LIMCH1: variants seen among roughly 807,000 people sequenced by gnomAD.
LIMCH1 encodes the protein LIM and calponin homology domains 1.
In LIMCH1, 113 loss-of-function variants were observed where a neutral mutation model predicts 176.5. That is an observed-to-expected ratio of 0.64 (90% confidence interval 0.55 to 0.75). The LOEUF (loss-of-function observed/expected upper bound fraction) is 0.75. Ranked by LOEUF, LIMCH1 falls within the 30% of genes least tolerant of loss-of-function variation. The pLI is 0.00. For missense variants in LIMCH1, 1,674 were observed against 1,814.9 expected, an observed-to-expected ratio of 0.92 and a Z score of 1.41; for synonymous variants, 619 against 645.9, an observed-to-expected ratio of 0.96 and a Z score of 0.63.
At position 41,666,381 on chromosome 4, in the gene LIMCH1, A is replaced by G. The variant is rs191399059; in HGVS notation, c.3292-180A>G. The stretch of plus-strand genomic sequence containing the variant: ...TATCTAAAAAATTGACGCTCTGTTA[A>G]TGTAGAGAAGGATGAAAGCGTTTTA... On this transcript the variant is annotated intron_variant, in intron 20 of 31. Transcript: ENST00000503057. Among the ~76,000 whole-genome samples, 50 of 152,364 alleles carry G rather than the reference A, an allele frequency of 3.3e-4. No individual in the cohort carries two copies. The East Asian group carries it at 9.6e-3, about 29-fold the overall frequency.
At chr4:41,479,566 G>T (rs2068258677) in intron 1 of LIMCH1, among the ~76,000 whole-genome samples, 1 of 152,132 alleles carries the variant, frequency 6.6e-6, no homozygotes, top group African/African-American at 2.4e-5. Flanking sequence ...TCTTAATAAG[G>T]TGAACAGTGA....
At chr4:41,617,475 T>C (rs1254837465) in intron 5 of LIMCH1, among the ~76,000 whole-genome samples, 2 of 152,152 alleles carry the variant, frequency 1.3e-5, no homozygotes, top group Non-Finnish European at 2.9e-5. Flanking sequence ...GTAATGTTTG[T>C]TTATAAAGCA....
At chr4:41,373,394 G>A (rs919603569) in intron 1 of LIMCH1, among the ~76,000 whole-genome samples, 5 of 152,224 alleles carry the variant, frequency 3.3e-5, no homozygotes, top group Admixed American at 2.0e-4. Flanking sequence ...AAAGCTGCAT[G>A]GTCCTGGCAC....
At chr4:41,656,660 C>T (rs887106115) in intron 18 of LIMCH1, among the ~76,000 whole-genome samples, 2 of 152,170 alleles carry the variant, frequency 1.3e-5, no homozygotes, top group African/African-American at 4.8e-5. Context: ...CCATGCACAG[C>T]ATATGTGGCA....
chr4:41,609,876 A>G (rs1025494246), intron 4 of LIMCH1, among the ~76,000 whole-genome samples: 4 of 152,212 alleles, frequency 2.6e-5, no homozygotes, highest in Admixed American at 1.3e-4. Flanking sequence ...ACTTTAAGTG[A>G]CCAGAAAATG....
intron 1 of LIMCH1, among the ~76,000 whole-genome samples, chr4:41,429,534 G>A (rs532618396): frequency 3.9e-5 from 6 of 152,166 alleles, no homozygotes; most frequent in Non-Finnish European, 5.9e-5. Context: ...TTATATTAGC[G>A]TTTGTATCAG....
intron 1 of LIMCH1, among the ~76,000 whole-genome samples, chr4:41,409,875 C>T (rs1463767569): frequency 6.6e-6 from 1 of 152,174 alleles, no homozygotes; most frequent in Non-Finnish European, 1.5e-5. Flanking sequence ...TGAGTAATAG[C>T]CAACTTAATT....
rs536672081 is a variant in LIMCH1 at position 41,613,755 on chromosome 4, G to A, written c.205+94G>A. 30 of 1,041,702 alleles carry A rather than the reference G, an allele frequency of 2.9e-5. No individual in the cohort carries two copies. In the African/African-American group the frequency reaches 4.5e-4, roughly 16 times the overall value. The allele number at this position is 1,041,702 out of a possible 1,614,324, so 64.5% of individuals were successfully genotyped here. A position where few individuals can be genotyped will look rare whatever the true frequency, so the allele number is the denominator to read the frequency against. On this transcript the variant is annotated intron_variant, in intron 5 of 31. Coordinates refer to ENST00000503057, the MANE Select transcript of LIMCH1 (RefSeq NM_001330672.2). ...CAGAGGGATGGGCACTGGGAAAGCA[G>A]GCTCCATATCCACCTTGCCGGAACT...
At chr4:41,580,428 C>T (rs569701682) in intron 1 of LIMCH1, among the ~76,000 whole-genome samples, 1 of 152,018 alleles carries the variant, frequency 6.6e-6, no homozygotes, top group East Asian at 1.9e-4. Flanking sequence ...CACTGATAAC[C>T]CTGGAATCAA....
intron 2 of LIMCH1, among the ~76,000 whole-genome samples, chr4:41,501,016 G>A (rs2154178959): frequency 6.6e-6 from 1 of 152,324 alleles, no homozygotes; most frequent in Admixed American, 6.5e-5. Flanking sequence ...GATGGAAACT[G>A]AGGATCATCA....
intron 13 of LIMCH1, among the ~76,000 whole-genome samples, chr4:41,636,340 C>CTTTT (rs35828085): frequency 2.4e-4 from 25 of 104,918 alleles, no homozygotes; most frequent in Non-Finnish European, 2.7e-4. Context: ...TGCTTTATTA[C>CTTTT]TTTTTTTTTT....
chr4:41,557,489 A>G (rs1278974210), intron 1 of LIMCH1, among the ~76,000 whole-genome samples: 2 of 152,116 alleles, frequency 1.3e-5, no homozygotes, highest in Non-Finnish European at 2.9e-5. Context: ...TGCAATAAAT[A>G]GATCTAAATC....
Position 41,632,775 on chromosome 4 carries a change from A to G in LIMCH1, c.1628A>G (p.Tyr543Cys). 2.0e-6 allele frequency: 3 copies of G among 1,536,288 alleles called. No individual in the cohort carries two copies. The highest frequency in any genetic ancestry group is 1.7e-6 in the Non-Finnish European group (2 of 1,146,912). Residue 543 changes from tyrosine (Y) to cysteine (C), a missense_variant, in exon 11 of 32, where the codon TAT becomes TGT. Tyr to Cys is a radical substitution (Grantham distance 194). Coordinates refer to ENST00000503057, the MANE Select transcript of LIMCH1 (RefSeq NM_001330672.2). ...CRTMNCGRGD[Y>C]CRRASWLAPV... is the part of the protein sequence containing the mutation. ...ACAATGAATTGTGGCCGAGGTGACT[A>G]TTGCAGAAGGGCCTCGTGGCTGGCT...
chr4:41,403,614 C>A (rs769245740), intron 1 of LIMCH1, among the ~76,000 whole-genome samples: 1 of 152,102 alleles, frequency 6.6e-6, no homozygotes, highest in African/African-American at 2.4e-5. Flanking sequence ...AATTAAGAGA[C>A]CCATCAGTGT....
chr4:41,544,715 C>T (rs1433695146), intron 1 of LIMCH1, among the ~76,000 whole-genome samples: 1 of 152,142 alleles, frequency 6.6e-6, no homozygotes, highest in African/African-American at 2.4e-5. Context: ...TACCCCAGAC[C>T]ACACGTGTCT....
chr4:41,573,852 A>C (rs929692742), intron 1 of LIMCH1, among the ~76,000 whole-genome samples: 1 of 152,164 alleles, frequency 6.6e-6, no homozygotes, highest in Non-Finnish European at 1.5e-5. Flanking sequence ...AAGTATTATA[A>C]GGGACCCAAG....
chr4:41,372,342 G>A (rs1405029717), intron 1 of LIMCH1, among the ~76,000 whole-genome samples: 1 of 152,170 alleles, frequency 6.6e-6, no homozygotes, highest in Non-Finnish European at 1.5e-5. Context: ...CCTTTTACAT[G>A]AACTCTGTAT....
At chr4:41,534,257 C>A (rs1458147439), upstream of LIMCH1, among the ~76,000 whole-genome samples, 1 of 152,128 alleles carries the variant, frequency 6.6e-6, no homozygotes, top group Non-Finnish European at 1.5e-5. Context: ...TCAATGATGA[C>A]ACACACCATT....
chr4:41,592,747 G>C (rs1214812669), intron 1 of LIMCH1, among the ~76,000 whole-genome samples: 2 of 152,186 alleles, frequency 1.3e-5, no homozygotes, highest in Non-Finnish European at 1.5e-5. Context: ...GATCAGAAAG[G>C]TTAGGAACTA....
Sources: allele counts gnomAD v4.1 joint callset (sites outside exome capture counted in the v4.1 genomes callset), GRCh38; gene constraint gnomAD v4.1.1; transcripts MANE v1.5; gene names NCBI Gene and HGNC (gene_info 2026-07-23, HGNC 2026-07-21).